FOXP2: variants seen among roughly 807,000 people sequenced by gnomAD.
FOXP2 encodes the protein forkhead box protein P2.
Under a neutral mutation model 115.8 loss-of-function variants are expected in FOXP2, and 12 were observed. The ratio of observed to expected loss-of-function variants is 0.10; its 90% confidence interval spans 0.07 to 0.17. The LOEUF (loss-of-function observed/expected upper bound fraction) is 0.17, where lower values mean the gene tolerates loss of function less well. FOXP2 is among the 10% of genes least tolerant of loss of function. The pLI, the probability that FOXP2 is intolerant of heterozygous loss-of-function variation, is 1.00. For synonymous variants in FOXP2, 328 were observed against 297.7 expected, an observed-to-expected ratio of 1.10 and a Z score of -1.05; for missense variants, 629 against 843.5, an observed-to-expected ratio of 0.75 and a Z score of 3.15.
intron 1 of FOXP2, among the ~76,000 whole-genome samples, chr7:114,418,660 A>G (rs1006781806): frequency 5.5e-5 from 8 of 144,588 alleles, no homozygotes; most frequent in Non-Finnish European, 1.3e-4. Context: ...TCTGGTGATG[A>G]TTGAAGCTGT....
rs537537832 is a variant in FOXP2, at chr7:114,393,503, G to A, written c.-10-32999G>A. ...GAGAGAGGAGGGCATCCACATAGAA[G>A]AGCAGCCTGGCATGGAAAATTAGAG... On this transcript the variant is annotated intron_variant, in intron 2 of 17. Transcript: ENST00000634411. Among the ~76,000 whole-genome samples the A allele has an allele frequency of 8.5e-5, 13 of 152,220 alleles. No homozygotes were observed. The East Asian group carries it at 2.3e-3, about 27-fold the overall frequency.
chr7:114,563,177 T>A (rs1800837780), intron 3 of FOXP2, among the ~76,000 whole-genome samples: 1 of 152,110 alleles, frequency 6.6e-6, no homozygotes, highest in Admixed American at 6.6e-5. Context: ...CCATGACACA[T>A]GGGGATTAAG....
At chr7:114,681,328 G>A (rs1179871256) in intron 16 of FOXP2, among the ~76,000 whole-genome samples, 1 of 152,024 alleles carries the variant, frequency 6.6e-6, no homozygotes, top group East Asian at 1.9e-4. Context: ...ATTCCTGGAG[G>A]AAAATTTTAC....
At chr7:114,283,391 C>T (rs929260519) in intron 1 of FOXP2, among the ~76,000 whole-genome samples, 6 of 152,042 alleles carry the variant, frequency 3.9e-5, no homozygotes, top group African/African-American at 1.4e-4. Flanking sequence ...TCTTCCAAAT[C>T]ATGAAATTCA....
chr7:114,553,667 T>C lies in FOXP2; in HGVS notation c.258+18961T>C, dbSNP rs959678131. ...TTTAAGTATATGAACTAGAAGAATATGTAACAATAATAAACTGACTTCCTT... is the reference window on the plus strand; with the variant it reads ...TTTAAGTATATGAACTAGAAGAATACGTAACAATAATAAACTGACTTCCTT... On this transcript the variant is annotated intron_variant, in intron 3 of 16. Transcript: ENST00000350908. Among the ~76,000 whole-genome samples the C allele has an allele frequency of 5.3e-5, 8 of 152,162 alleles. 1 individual carries two copies. Among genetic ancestry groups the C allele is most frequent in the Non-Finnish European group, 8.8e-5 (6 of 67,996 alleles).
intron 8 of FOXP2, among the ~76,000 whole-genome samples, chr7:114,647,642 A>G (rs747352373): frequency 6.6e-6 from 1 of 151,984 alleles, no homozygotes; most frequent in Non-Finnish European, 1.5e-5. Context: ...CTGACCACTA[A>G]TTGAGTATCT....
chr7:114,142,062 C>T (rs1004682051), intron 1 of FOXP2, among the ~76,000 whole-genome samples: 25 of 151,866 alleles, frequency 1.6e-4, no homozygotes, highest in African/African-American at 6.0e-4. Flanking sequence ...CTCGCTCTGT[C>T]GCCAGGCTGG....
At chr7:114,480,735 A>G (rs549199917) in intron 2 of FOXP2, among the ~76,000 whole-genome samples, 30 of 150,760 alleles carry the variant, frequency 2.0e-4, no homozygotes, top group African/African-American at 4.8e-4. Flanking sequence ...ATACACGTAT[A>G]TATGTGTATG....
chr7:114,426,756 A>G (rs143385870), intron 2 of FOXP2, 77 bp downstream of exon 2: 212 of 1,420,132 alleles, frequency 1.5e-4, no homozygotes, highest in Middle Eastern at 1.1e-3. Flanking sequence ...TATTCATAGC[A>G]AACTGAGCAT....
intron 15 of FOXP2, 38 bp from the exon 16 acceptor site, chr7:114,664,235 A>G: frequency 1.2e-6 from 2 of 1,608,694 alleles, no homozygotes; most frequent in Non-Finnish European, 1.7e-6. Context: ...TTTAAATGCC[A>G]TTTTGAAAGT....
At chr7:114,507,701 G>A (rs1797889175) in intron 2 of FOXP2, among the ~76,000 whole-genome samples, 1 of 151,818 alleles carries the variant, frequency 6.6e-6, no homozygotes, top group Admixed American at 6.6e-5. Context: ...AGAAATAAGG[G>A]GAAGGCCACA....
intron 1 of FOXP2, among the ~76,000 whole-genome samples, chr7:114,142,854 A>T (rs1474625113): frequency 6.6e-6 from 1 of 152,024 alleles, no homozygotes; most frequent in Non-Finnish European, 1.5e-5. Flanking sequence ...AAAAAATTTA[A>T]CGCCCACTTC....
chr7:114,521,916 G>A (rs1798645123), intron 2 of FOXP2, among the ~76,000 whole-genome samples: 1 of 152,066 alleles, frequency 6.6e-6, no homozygotes. Context: ...TGTACCATTT[G>A]CATCTCAGAT....
intron 3 of FOXP2, among the ~76,000 whole-genome samples, chr7:114,562,012 G>T (rs921719296): frequency 6.6e-6 from 1 of 151,946 alleles, no homozygotes; most frequent in Admixed American, 6.6e-5. Flanking sequence ...CCCATTCTGC[G>T]CACTATGTTC....
At chr7:114,243,179 T>A (rs192533060) in intron 1 of FOXP2, among the ~76,000 whole-genome samples, 21 of 151,678 alleles carry the variant, frequency 1.4e-4, no homozygotes, top group Admixed American at 6.6e-4. Flanking sequence ...GTCTGAAGGC[T>A]TTGGTCATGA....
chr7:114,119,284 G>A (rs181765538), intron 1 of FOXP2, among the ~76,000 whole-genome samples: 54 of 152,138 alleles, frequency 3.5e-4, no homozygotes, highest in African/African-American at 1.2e-3. Flanking sequence ...CTCACAAAAC[G>A]GGCAGCTGGA....
intron 2 of FOXP2, among the ~76,000 whole-genome samples, chr7:114,512,574 C>T (rs1028446486): frequency 6.6e-6 from 1 of 152,070 alleles, no homozygotes; most frequent in African/African-American, 2.4e-5. Flanking sequence ...CAAAGGTTTG[C>T]TCAGTGATTT....
intron 1 of FOXP2, chr7:114,285,448 G>T (rs899732567): frequency 6.6e-6 from 1 of 152,096 alleles, no homozygotes; most frequent in African/African-American, 2.4e-5. Context: ...AAGTTTGTGG[G>T]AGAGAAAGGT....
chr7:114,213,139 G>T (rs1584549840), intron 1 of FOXP2, among the ~76,000 whole-genome samples: 1 of 152,006 alleles, frequency 6.6e-6, no homozygotes, highest in Admixed American at 6.5e-5. Flanking sequence ...ATTGTTTTCT[G>T]GATCTATACT....
Sources: gnomAD v4.1 joint callset for allele counts (sites outside exome capture counted in the v4.1 genomes callset) on GRCh38, gnomAD v4.1.1 for gene constraint, MANE v1.5 for transcripts, NCBI Gene and HGNC (gene_info 2026-07-23, HGNC 2026-07-21) for gene names.